The following GRM8 variants were observed in gnomAD, a reference collection of about 807,000 sequenced individuals.
GRM8 encodes metabotropic glutamate receptor 8.
Under a neutral mutation model 87.2 loss-of-function variants are expected in GRM8, and 47 were observed. The observed-to-expected ratio is 0.54, with a 90% confidence interval of 0.43 to 0.69. The LOEUF (loss-of-function observed/expected upper bound fraction) is 0.69. Ranked by LOEUF, GRM8 falls within the 30% of genes least tolerant of loss-of-function variation. GRM8 has a pLI of 0.00. For missense variants in GRM8, 1,019 were observed against 1,139.2 expected, an observed-to-expected ratio of 0.89 and a Z score of 1.52; for synonymous variants, 396 against 404.5, an observed-to-expected ratio of 0.98 and a Z score of 0.25.
At chr7:126,838,390 C>T (rs1283213584) in intron 6 of GRM8, among the ~76,000 whole-genome samples, 1 of 152,164 alleles carries the variant, frequency 6.6e-6, no homozygotes, top group Non-Finnish European at 1.5e-5. Flanking sequence ...TTATTCAACA[C>T]TGAGGTACTG....
chr7:127,070,074 C>T (rs1439737383), intron 3 of GRM8, among the ~76,000 whole-genome samples: 1 of 152,216 alleles, frequency 6.6e-6, no homozygotes, highest in Non-Finnish European at 1.5e-5. Flanking sequence ...TGGGCACATT[C>T]AGTTCATTTT....
intron 8 of GRM8, among the ~76,000 whole-genome samples, chr7:126,588,108 T>G (rs1310115013): frequency 6.6e-6 from 1 of 152,076 alleles, no homozygotes; most frequent in Non-Finnish European, 1.5e-5. Flanking sequence ...TCTAATGAAA[T>G]AACCTGAATG....
At chr7:126,948,057 C>T (rs557474867) in intron 3 of GRM8, among the ~76,000 whole-genome samples, 2 of 152,200 alleles carry the variant, frequency 1.3e-5, no homozygotes, top group South Asian at 4.1e-4. Context: ...TAAGATTTGT[C>T]GAACACTTAC....
chr7:127,038,756 C>CTT (rs1563440352), intron 3 of GRM8, among the ~76,000 whole-genome samples: 1 of 152,152 alleles, frequency 6.6e-6, no homozygotes, highest in African/African-American at 2.4e-5. Context: ...ATATTATCTG[C>CTT]TAAAATGGAG....
At chr7:127,196,787 G>A (rs1462592528) in intron 2 of GRM8, among the ~76,000 whole-genome samples, 1 of 152,182 alleles carries the variant, frequency 6.6e-6, no homozygotes, top group Non-Finnish European at 1.5e-5. Flanking sequence ...TAACTTCTCT[G>A]TGCCTCAGTT....
At chr7:127,044,456 C>G (rs1022939773) in intron 3 of GRM8, among the ~76,000 whole-genome samples, 1 of 152,038 alleles carries the variant, frequency 6.6e-6, no homozygotes, top group Non-Finnish European at 1.5e-5. Context: ...AAAGTTCTGG[C>G]ACAATTTAGA....
At chr7:127,020,285 C>A (rs985830815) in intron 3 of GRM8, among the ~76,000 whole-genome samples, 3 of 152,112 alleles carry the variant, frequency 2.0e-5, no homozygotes, top group South Asian at 2.1e-4. Context: ...GGGTCATATG[C>A]CTGGGCACAG....
At chr7:126,739,432 C>A (rs201569015) in intron 7 of GRM8, among the ~76,000 whole-genome samples, 1 of 150,466 alleles carries the variant, frequency 6.6e-6, no homozygotes, top group East Asian at 2.0e-4. Flanking sequence ...ACACACACAC[C>A]ACATACAAAA....
chr7:127,191,479 G>A (rs1180644158), intron 2 of GRM8, among the ~76,000 whole-genome samples: 1 of 152,178 alleles, frequency 6.6e-6, no homozygotes, highest in Admixed American at 6.5e-5. Context: ...TAATTGGAAA[G>A]TTTCTTTTGT....
chr7:126,452,895 T>A (rs887333972), intron 9 of GRM8, among the ~76,000 whole-genome samples: 1 of 151,708 alleles, frequency 6.6e-6, no homozygotes, highest in African/African-American at 2.4e-5. Flanking sequence ...AGACAACATA[T>A]ATACACAGTG....
chr7:126,813,851 G>A (rs1471977857), intron 6 of GRM8, among the ~76,000 whole-genome samples: 2 of 152,018 alleles, frequency 1.3e-5, no homozygotes, highest in African/African-American at 4.8e-5. Flanking sequence ...AAGTAACCAA[G>A]GCTCATGTTT....
At chr7:126,452,530 G>A (rs1175482436) in intron 9 of GRM8, among the ~76,000 whole-genome samples, 1 of 150,530 alleles carries the variant, frequency 6.6e-6, no homozygotes, top group Non-Finnish European at 1.5e-5. Flanking sequence ...GGGTTTTAAG[G>A]AATATAACTC....
At chr7:127,145,801 C>T (rs1396757938) in intron 2 of GRM8, among the ~76,000 whole-genome samples, 2 of 151,958 alleles carry the variant, frequency 1.3e-5, no homozygotes, top group Admixed American at 1.3e-4. Context: ...AGAACAAAAA[C>T]GCAAATAAGT....
chr7:127,199,137 G>A (rs1227671880), intron 2 of GRM8, among the ~76,000 whole-genome samples: 1 of 143,294 alleles, frequency 7.0e-6, no homozygotes, highest in South Asian at 2.3e-4. Context: ...CACCGCACCC[G>A]GCTTTTTTTT....
In GRM8 at chr7:126,468,586, T is replaced by A. The variant is rs557653719; in HGVS notation, c.2431-22214A>T. 4.6e-5 allele frequency among the ~76,000 whole-genome samples: 7 copies of A among 152,192 alleles called. No individual in the cohort carries two copies. The South Asian group carries it at 1.5e-3, about 32-fold the overall frequency. On this transcript the variant is annotated intron_variant, in intron 9 of 10. Transcript: ENST00000339582. The stretch of plus-strand genomic sequence containing the variant: ...CCTCTCATATTCATCTATTCCTTCA[T>A]TATCTGTCTTGCATTTCATTGCCAT...
Position 126,480,944 on chromosome 7 carries a change from G to T in GRM8, c.2431-34572C>A, listed in dbSNP as rs868792500. On this transcript the variant is annotated intron_variant, in intron 9 of 10. Coordinates refer to ENST00000339582, the MANE Select transcript of GRM8 (RefSeq NM_000845.3). ...AGCCGGGAAAATACAAGATGAACCT[G>T]GAACATCTTGGGGTACAAAATTAAA... is the stretch of plus-strand genomic sequence containing the variant. Among the ~76,000 whole-genome samples, 10 of 152,012 alleles carry T rather than the reference G, an allele frequency of 6.6e-5. No homozygotes were observed. The South Asian group carries it at 2.1e-3, about 32-fold the overall frequency.
chr7:127,203,669 C>T (rs1191818727), intron 2 of GRM8, among the ~76,000 whole-genome samples: 1 of 151,662 alleles, frequency 6.6e-6, no homozygotes, highest in Non-Finnish European at 1.5e-5. Context: ...GATTGTGCCA[C>T]TGTACTCCAG....
chr7:126,716,312 A>G (rs1047369387), intron 7 of GRM8, among the ~76,000 whole-genome samples: 6 of 152,004 alleles, frequency 3.9e-5, no homozygotes, highest in African/African-American at 1.4e-4. Context: ...GTTGGCAGCA[A>G]CAATTTCTGT....
At chr7:126,922,574 C>T (rs1804641209) in intron 3 of GRM8, among the ~76,000 whole-genome samples, 1 of 152,080 alleles carries the variant, frequency 6.6e-6, no homozygotes, top group Non-Finnish European at 1.5e-5. Context: ...AGTCCAGTAG[C>T]ACTATATACA....
Sources: gnomAD v4.1 joint callset for allele counts (sites outside exome capture counted in the v4.1 genomes callset) on GRCh38, gnomAD v4.1.1 for gene constraint, MANE v1.5 for transcripts, NCBI Gene and HGNC (gene_info 2026-07-23, HGNC 2026-07-21) for gene names.